RIT2: variants seen among roughly 807,000 people sequenced by gnomAD.
The protein encoded by RIT2 is Ras like without CAAX 2.
Under a neutral mutation model 23.7 loss-of-function variants are expected in RIT2, and 24 were observed. The ratio of observed to expected loss-of-function variants is 1.01; its 90% CI spans 0.73 to 1.43. The LOEUF (loss-of-function observed/expected upper bound fraction) is 1.43. RIT2 is among the 40% of genes most tolerant of loss of function. The pLI is 0.00. For synonymous variants in RIT2, 107 were observed against 91.1 expected, an observed-to-expected ratio of 1.17 and a Z score of -0.99; for missense variants, 236 against 266.9, an observed-to-expected ratio of 0.88 and a Z score of 0.81.
At chr18:42,824,483 A>G (rs1906240298) in intron 4 of RIT2, among the ~76,000 whole-genome samples, 1 of 152,064 alleles carries the variant, frequency 6.6e-6, no homozygotes, top group African/African-American at 2.4e-5. Flanking sequence ...AACAGTATGC[A>G]CAAGATTCAT....
intron 4 of RIT2, among the ~76,000 whole-genome samples, chr18:42,910,090 G>A (rs1439947232): frequency 2.6e-5 from 4 of 152,026 alleles, no homozygotes; most frequent in Non-Finnish European, 4.4e-5. Context: ...TATATAAACA[G>A]CTATAATGAA....
chr18:42,897,475 T>A (rs1394948586), intron 4 of RIT2, among the ~76,000 whole-genome samples: 1 of 152,144 alleles, frequency 6.6e-6, no homozygotes, highest in Non-Finnish European at 1.5e-5. Flanking sequence ...AACATCTACA[T>A]AGTCTACCAC....
In RIT2 at chr18:42,851,064, T is replaced by C. The variant is rs140819233; in HGVS notation, c.426+72508A>G. On this transcript the variant is annotated intron_variant, in intron 4 of 4. Transcript: ENST00000326695. ...GAAAATAAAGAAAATAAATGAATTA[T>C]AATGAATTAATTGGCAGTGCAAATG... 4.5e-3 allele frequency among the ~76,000 whole-genome samples: 679 copies of C among 152,330 alleles called. 5 individuals carry two copies. The highest frequency in any genetic ancestry group is 0.015 in the African/African-American group (643 of 41,578).
intron 2 of RIT2, among the ~76,000 whole-genome samples, chr18:43,031,989 T>C (rs1911864948): frequency 6.6e-6 from 1 of 152,070 alleles, no homozygotes; most frequent in Admixed American, 6.6e-5. Flanking sequence ...GACTTTTACC[T>C]TCTGCAAGCA....
intron 4 of RIT2, among the ~76,000 whole-genome samples, chr18:42,807,238 T>C (rs796516376): frequency 8.5e-5 from 13 of 152,340 alleles, no homozygotes; most frequent in African/African-American, 3.1e-4. Flanking sequence ...GACTCCTCTG[T>C]TTTCTTGGTG....
chr18:43,025,348 C>G (rs1911691354), intron 2 of RIT2, among the ~76,000 whole-genome samples: 1 of 149,706 alleles, frequency 6.7e-6, no homozygotes, highest in African/African-American at 2.4e-5. Context: ...TAAATTAGTA[C>G]AAACTCTGCA....
chr18:43,044,914 A>G (rs945517799), intron 1 of RIT2, among the ~76,000 whole-genome samples: 1 of 152,176 alleles, frequency 6.6e-6, no homozygotes, highest in African/African-American at 2.4e-5. Flanking sequence ...AACTCTATTC[A>G]TCTTCACTGA....
At chr18:43,051,099 G>A (rs1912370470) in intron 1 of RIT2, among the ~76,000 whole-genome samples, 1 of 152,130 alleles carries the variant, frequency 6.6e-6, no homozygotes, top group African/African-American at 2.4e-5. Flanking sequence ...ATTGCAGGCT[G>A]AGACTCCAAC....
At chr18:43,111,095 C>T (rs1913941394) in intron 1 of RIT2, among the ~76,000 whole-genome samples, 1 of 152,040 alleles carries the variant, frequency 6.6e-6, no homozygotes, top group African/African-American at 2.4e-5. Flanking sequence ...GGTATATATA[C>T]ACAATGGAAT....
intron 4 of RIT2, among the ~76,000 whole-genome samples, chr18:42,781,719 G>A (rs771887661): frequency 1.2e-4 from 18 of 152,108 alleles, no homozygotes; most frequent in Non-Finnish European, 8.8e-5. Context: ...GACTCTCCTC[G>A]GTCTTGCCCG....
intron 3 of RIT2, among the ~76,000 whole-genome samples, chr18:42,965,925 T>C (rs957555443): frequency 1.3e-5 from 2 of 151,806 alleles, no homozygotes; most frequent in Admixed American, 1.3e-4. Flanking sequence ...GAAGAAGTAA[T>C]ATAGCCACAT....
At chr18:43,021,172 G>A (rs1446243734) in intron 2 of RIT2, among the ~76,000 whole-genome samples, 2 of 151,816 alleles carry the variant, frequency 1.3e-5, no homozygotes, top group African/African-American at 4.8e-5. Context: ...TAGCAAAAAA[G>A]TAAATTAATT....
At chr18:43,102,387 T>G (rs115880682) in intron 1 of RIT2, among the ~76,000 whole-genome samples, 1 of 151,852 alleles carries the variant, frequency 6.6e-6, no homozygotes, top group South Asian at 2.1e-4. Context: ...TGAGATCTTC[T>G]TATAACATTT....
intron 1 of RIT2, among the ~76,000 whole-genome samples, chr18:43,089,173 A>C (rs11663580): frequency 0.95 from 144,555 of 152,058 alleles, 69,085 homozygotes; most frequent in East Asian, 1. Flanking sequence ...CTCCTGTTTG[A>C]AGATCCTATA....
rs1047679055 is a variant in RIT2 at position 42,743,327 on chromosome 18, C to T, written c.*166G>A. The T allele has an allele frequency of 1.3e-5, 8 of 614,388 alleles. No individual in the cohort carries two copies. Among genetic ancestry groups the T allele is most frequent in the South Asian group, 8.1e-5 (4 of 49,456 alleles). 38.1% of individuals were successfully genotyped at this position (614,388 alleles called of 1,614,324 possible). A position where few individuals can be genotyped will look rare whatever the true frequency, so the allele number is the denominator to read the frequency against. ...ATCCATCCAACTGTTAAAGGCAAAA[C>T]AAAACTATCTCAAGAGGTACAGATA... is the stretch of plus-strand genomic sequence containing the variant. On this transcript the variant is annotated 3_prime_UTR_variant, in exon 5 of 5. Coordinates refer to ENST00000326695, the MANE Select transcript of RIT2 (RefSeq NM_002930.4).
intron 1 of RIT2, among the ~76,000 whole-genome samples, chr18:43,070,491 T>C (rs1912873256): frequency 6.6e-6 from 1 of 152,228 alleles, no homozygotes. Context: ...TGCGAAGGAC[T>C]GTGCTAGAAA....
intron 1 of RIT2, among the ~76,000 whole-genome samples, chr18:43,075,765 C>T (rs1004102531): frequency 3.9e-5 from 6 of 152,166 alleles, no homozygotes; most frequent in African/African-American, 1.4e-4. Context: ...CTGGCTCCCC[C>T]TCTTTTTGTC....
chr18:42,971,955 C>T (rs994338140), intron 3 of RIT2, among the ~76,000 whole-genome samples: 3 of 151,892 alleles, frequency 2.0e-5, no homozygotes, highest in African/African-American at 7.2e-5. Flanking sequence ...ACACTGGGGA[C>T]CAGGTAAGTC....
At chr18:42,896,513 ATTCTCT>A (rs1233362521) in intron 4 of RIT2, among the ~76,000 whole-genome samples, 2 of 151,926 alleles carry the variant, frequency 1.3e-5, no homozygotes, top group East Asian at 3.9e-4. Context: ...TGAGTGTGGT[ATTCTCT>A]TTTCTTTCTG....
Sources: gnomAD v4.1 joint callset for allele counts (sites outside exome capture counted in the v4.1 genomes callset) on GRCh38, gnomAD v4.1.1 for gene constraint, MANE v1.5 for transcripts, NCBI Gene and HGNC (gene_info 2026-07-23, HGNC 2026-07-21) for gene names.